Variants in OOSP4B observed in about 807,000 individuals in gnomAD.
OOSP4B encodes the protein oocyte-secreted protein 4B.
intron 4 of OOSP4B, among the ~76,000 whole-genome samples, chr11:60,030,423 A>G (rs1212254218): frequency 6.6e-6 from 1 of 152,166 alleles, no homozygotes; most frequent in African/African-American, 2.4e-5. Flanking sequence ...TACTGAGCTT[A>G]TTTTAAAAGG....
At chr11:60,018,412 T>A (rs757060567) in intron 1 of OOSP4B, among the ~76,000 whole-genome samples, 4 of 152,212 alleles carry the variant, frequency 2.6e-5, no homozygotes, top group African/African-American at 7.2e-5. Context: ...TTCTGCAATG[T>A]ATAGCCAACA....
chr11:60,028,383 C>T (rs1232336665), intron 3 of OOSP4B, among the ~76,000 whole-genome samples: 1 of 152,054 alleles, frequency 6.6e-6, no homozygotes, highest in Non-Finnish European at 1.5e-5. Flanking sequence ...CCAGGCTCGT[C>T]TCGAACTCCT....
chr11:60,023,685 C>T (rs1435214208), intron 1 of OOSP4B, among the ~76,000 whole-genome samples, 195 bp from the exon 2 acceptor site: 4 of 152,174 alleles, frequency 2.6e-5, no homozygotes, highest in Admixed American at 6.5e-5. Flanking sequence ...CCACCTGCCT[C>T]GGCCTCCCAG....
exon 5 of OOSP4B, chr11:60,030,827 A>C: frequency 2.5e-6 from 1 of 398,228 alleles, no homozygotes; most frequent in South Asian, 1.3e-4. Flanking sequence ...AAGTCACTGT[A>C]TCAATAATGC....
chr11:60,028,506 GT>G (rs1854769246), intron 3 of OOSP4B, among the ~76,000 whole-genome samples: 1 of 152,014 alleles, frequency 6.6e-6, no homozygotes, highest in Admixed American at 6.6e-5. Context: ...TTTCCTCAAT[GT>G]TTGACATCAT....
chr11:60,029,788 A>G (rs480569), exon 4 of OOSP4B: 48,113 of 398,218 alleles, frequency 0.12, 3,266 homozygotes, highest in South Asian at 0.25. Context: ...TTAGGCTTAA[A>G]TTCCCCTCTG....
chr11:60,025,342 T>C (rs2134626863), intron 3 of OOSP4B, among the ~76,000 whole-genome samples: 1 of 152,326 alleles, frequency 6.6e-6, no homozygotes, highest in East Asian at 1.9e-4. Context: ...GAAGAAGAAC[T>C]CACATGCAAT....
chr11:60,026,699 C>G (rs1351115773), intron 3 of OOSP4B, among the ~76,000 whole-genome samples: 4 of 152,182 alleles, frequency 2.6e-5, no homozygotes, highest in Admixed American at 2.6e-4. Context: ...CATCTCTAAA[C>G]CTTTGCTGTC....
At chr11:60,022,409 T>C (rs1435128550) in intron 1 of OOSP4B, 1 of 152,222 alleles carries the variant, frequency 6.6e-6, no homozygotes, top group Non-Finnish European at 1.5e-5. Context: ...TCAACTTTCT[T>C]ATATGAATAA....
exon 1 of OOSP4B, chr11:60,017,222 T>C: frequency 2.5e-6 from 1 of 395,956 alleles, no homozygotes; most frequent in Non-Finnish European, 4.4e-6. Flanking sequence ...TTGCAGCTAC[T>C]GCCAGCTGAT....
intron 3 of OOSP4B, among the ~76,000 whole-genome samples, chr11:60,029,503 GTTTGTCACATCTAACAATCAT>G (rs1854782640): frequency 6.6e-6 from 1 of 152,154 alleles, no homozygotes; most frequent in Non-Finnish European, 1.5e-5. Context: ...TAGATAGAAT[GTTTGTCACATCTAACAATCAT>G]TTTGCTCTTC....
chr11:60,027,824 C>T (rs1854759790), intron 3 of OOSP4B, among the ~76,000 whole-genome samples: 1 of 151,742 alleles, frequency 6.6e-6, no homozygotes, highest in African/African-American at 2.4e-5. Flanking sequence ...CCCATAATCT[C>T]AGTTACTTGG....
At position 60,023,471 on chromosome 11, in the gene OOSP4B, G is replaced by A. The variant is rs1019398655; in HGVS notation, c.23-409G>A. Among the ~76,000 whole-genome samples the A allele has an allele frequency of 4.6e-5, 7 of 152,176 alleles. No homozygotes were observed. The South Asian group carries it at 6.2e-4, about 14-fold the overall frequency. On this transcript the variant is annotated intron_variant, in intron 1 of 4. Transcript: ENST00000642343. ...TTTTTTGAGATGGGGGTCTCACTCTGTTGCCCAGGCTGGAGTGCAGTGGCA... is the reference window on the plus strand; with the variant it reads ...TTTTTTGAGATGGGGGTCTCACTCTATTGCCCAGGCTGGAGTGCAGTGGCA...
chr11:60,020,994 C>T (rs1854685885), intron 1 of OOSP4B, among the ~76,000 whole-genome samples: 1 of 152,212 alleles, frequency 6.6e-6, no homozygotes, highest in Admixed American at 6.5e-5. Flanking sequence ...AGCCATAATG[C>T]TTGGCACACA....
chr11:60,022,491 G>A lies in OOSP4B; in HGVS notation c.23-1389G>A, dbSNP rs151047603. Among the ~76,000 whole-genome samples the A allele has an allele frequency of 2.6e-3, 392 of 152,262 alleles. 4 individuals are homozygous for A. Among genetic ancestry groups the A allele is most frequent in the African/African-American group, 8.1e-3 (335 of 41,550 alleles). ...ATGCTGAGTTCCATGTTGTACTTGC[G>A]TCTCTGTTCTTCTAGCTGTCCCAAA... On this transcript the variant is annotated intron_variant, in intron 1 of 4. Coordinates refer to ENST00000642343, the Ensembl canonical transcript of OOSP4B.
At chr11:60,022,471 GAGT>G (rs148262921) in intron 1 of OOSP4B, among the ~76,000 whole-genome samples, 2,594 of 152,254 alleles carry the variant, frequency 0.017, 67 homozygotes, top group African/African-American at 0.059. Flanking sequence ...TCTAAATGCT[GAGT>G]TCCATGTTGT....
intron 3 of OOSP4B, among the ~76,000 whole-genome samples, chr11:60,028,651 T>G (rs559744): frequency 0.42 from 63,120 of 152,052 alleles, 14,177 homozygotes; most frequent in African/African-American, 0.55. Context: ...TTTTGGAGTA[T>G]ATTCTTAAAT....
intron 1 of OOSP4B, 111 bp from the exon 2 acceptor site, chr11:60,023,769 A>G (rs969277328): frequency 5.1e-6 from 2 of 395,802 alleles, no homozygotes; most frequent in African/African-American, 4.1e-5. Flanking sequence ...CTAATAGGAG[A>G]CTGAACGCTA....
At chr11:60,024,198 C>T (rs1181065307) in intron 2 of OOSP4B, 137 bp downstream of exon 2, 4 of 394,952 alleles carry the variant, frequency 1.0e-5, no homozygotes, top group Non-Finnish European at 1.8e-5. Flanking sequence ...TAGATAGGAC[C>T]AGGTGCTTAT....
Sources: allele counts gnomAD v4.1 joint callset (sites outside exome capture counted in the v4.1 genomes callset), GRCh38; gene constraint gnomAD v4.1.1; transcripts MANE v1.5; gene names NCBI Gene and HGNC (gene_info 2026-07-23, HGNC 2026-07-21).